PLXNA4: variants seen among roughly 807,000 people sequenced by gnomAD.
The protein encoded by PLXNA4 is plexin-A4.
Under a neutral mutation model 191.8 loss-of-function variants are expected in PLXNA4, and 44 were observed. The ratio of observed to expected loss-of-function variants is 0.23; its 90% CI spans 0.18 to 0.29. The LOEUF is 0.29. Ranked by LOEUF, PLXNA4 falls within the 10% of genes least tolerant of loss-of-function variation. The pLI is 1.00. For missense variants in PLXNA4, 1,800 were observed against 2,488.8 expected (o/e 0.72, Z 5.89); for synonymous variants, 1,082 against 1,009.5 (o/e 1.07, Z -1.36).
At chr7:132,586,785 G>A (rs547145473) in intron 2 of PLXNA4, among the ~76,000 whole-genome samples, 3 of 152,160 alleles carry the variant, frequency 2.0e-5, no homozygotes, top group African/African-American at 7.2e-5. Flanking sequence ...AATTAGCTGG[G>A]TGTGGTGGCA....
At chr7:132,590,541 C>T (rs760251731) in intron 2 of PLXNA4, among the ~76,000 whole-genome samples, 1 of 152,156 alleles carries the variant, frequency 6.6e-6, no homozygotes, top group Non-Finnish European at 1.5e-5. Flanking sequence ...AGTCCAAAAG[C>T]TGAAGAGCTT....
chr7:132,436,906 C>G (rs28651332), intron 3 of PLXNA4, among the ~76,000 whole-genome samples: 2,518 of 152,280 alleles, frequency 0.017, 63 homozygotes, highest in African/African-American at 0.057. Context: ...CTCCAGGACA[C>G]TTGTACTATT....
intron 4 of PLXNA4, among the ~76,000 whole-genome samples, chr7:132,251,805 AT>A (rs1295218337): frequency 6.6e-6 from 1 of 152,238 alleles, no homozygotes; most frequent in African/African-American, 2.4e-5. Flanking sequence ...CTGTGTGCAA[AT>A]AAACACATCT....
intron 28 of PLXNA4, chr7:132,145,543 C>T (rs541420158): frequency 2.0e-6 from 1 of 498,462 alleles, no homozygotes; most frequent in African/African-American, 1.9e-5. Context: ...CTGCCAACAA[C>T]ACGGTTTGGT....
At chr7:132,376,632 CTGTT>C (rs1338643000) in intron 3 of PLXNA4, among the ~76,000 whole-genome samples, 1 of 152,226 alleles carries the variant, frequency 6.6e-6, no homozygotes, top group Non-Finnish European at 1.5e-5. Flanking sequence ...TGATCAATCA[CTGTT>C]TGGGCAGGAG....
chr7:132,497,141 C>CACAA (rs1798056790), intron 2 of PLXNA4, among the ~76,000 whole-genome samples: 1 of 151,860 alleles, frequency 6.6e-6, no homozygotes, highest in South Asian at 2.1e-4. Flanking sequence ...CACACACACA[C>CACAA]ACATACACAT....
At chr7:132,228,598 T>C in intron 5 of PLXNA4, 129 bp from the exon 6 acceptor site, 1 of 1,197,266 alleles carries the variant, frequency 8.4e-7, no homozygotes, top group Non-Finnish European at 1.1e-6. Context: ...GAGCTAACCT[T>C]TTTGTGTCCT....
intron 3 of PLXNA4, among the ~76,000 whole-genome samples, chr7:132,473,325 G>T (rs1797000482): frequency 6.6e-6 from 1 of 152,170 alleles, no homozygotes; most frequent in African/African-American, 2.4e-5. Flanking sequence ...CTGGTGGTCA[G>T]ATTCTCCCTC....
At chr7:132,355,078 T>C (rs1424887107) in intron 3 of PLXNA4, among the ~76,000 whole-genome samples, 1 of 152,224 alleles carries the variant, frequency 6.6e-6, no homozygotes, top group Non-Finnish European at 1.5e-5. Context: ...CCCCTCTTCC[T>C]GCCTCTAGTG....
intron 23 of PLXNA4, 51 bp from the exon 24 acceptor site, chr7:132,164,339 T>C (rs763959702): frequency 1.9e-6 from 3 of 1,599,726 alleles, no homozygotes; most frequent in African/African-American, 1.3e-5. Context: ...CACTGGAGTG[T>C]ACCCCCAGTC....
chr7:132,365,956 G>A (rs933425134), intron 3 of PLXNA4: 1 of 152,140 alleles, frequency 6.6e-6, no homozygotes, highest in Non-Finnish European at 1.5e-5. Context: ...GAAACAGTAA[G>A]ATGAGTTACA....
intron 3 of PLXNA4, among the ~76,000 whole-genome samples, chr7:132,436,252 A>G (rs542168142): frequency 6.6e-6 from 1 of 152,318 alleles, no homozygotes; most frequent in Admixed American, 6.5e-5. Context: ...GACATATGAC[A>G]TGCTGCACAC....
chr7:132,296,660 T>C (rs1162076129), intron 4 of PLXNA4, among the ~76,000 whole-genome samples: 1 of 152,144 alleles, frequency 6.6e-6, no homozygotes, highest in Admixed American at 6.5e-5. Flanking sequence ...CAAGAAATCT[T>C]GAATATTCAA....
intron 2 of PLXNA4, among the ~76,000 whole-genome samples, chr7:132,595,061 G>A (rs1802684166): frequency 1.3e-5 from 2 of 151,842 alleles, no homozygotes; most frequent in African/African-American, 4.8e-5. Context: ...AGAGAGCTTT[G>A]CTAGGCTTAG....
chr7:132,363,281 A>T (rs1804021378), intron 3 of PLXNA4, among the ~76,000 whole-genome samples: 1 of 152,144 alleles, frequency 6.6e-6, no homozygotes, highest in African/African-American at 2.4e-5. Context: ...CACCGCACCC[A>T]GTCCCCAGAA....
At chr7:132,236,602 C>A (rs903052570) in intron 5 of PLXNA4, among the ~76,000 whole-genome samples, 3 of 152,150 alleles carry the variant, frequency 2.0e-5, no homozygotes, top group African/African-American at 7.2e-5. Flanking sequence ...TCCCCAAAAT[C>A]TTTAGGGCAG....
intron 3 of PLXNA4, among the ~76,000 whole-genome samples, chr7:132,477,941 C>A (rs914484834): frequency 1.4e-4 from 21 of 152,156 alleles, no homozygotes; most frequent in African/African-American, 4.1e-4. Context: ...AATAATTCTC[C>A]ATTTTAGAAA....
At chr7:132,303,360 A>G (rs1313106002) in intron 3 of PLXNA4, among the ~76,000 whole-genome samples, 2 of 151,002 alleles carry the variant, frequency 1.3e-5, no homozygotes, top group Non-Finnish European at 3.0e-5. Flanking sequence ...CACGAGGTCA[A>G]GAGATCAAGA....
intron 3 of PLXNA4, among the ~76,000 whole-genome samples, chr7:132,408,519 A>T (rs11972742): frequency 0.032 from 4,863 of 151,970 alleles, 106 homozygotes; most frequent in Non-Finnish European, 0.044. Flanking sequence ...GCTGGAGTGC[A>T]GTGGTGCAAT....
Sources: allele counts gnomAD v4.1 joint callset (sites outside exome capture counted in the v4.1 genomes callset), GRCh38; gene constraint gnomAD v4.1.1; transcripts MANE v1.5; gene names NCBI Gene and HGNC (gene_info 2026-07-23, HGNC 2026-07-21).